The following SOX30 variants were observed in gnomAD, a reference collection of about 807,000 sequenced individuals.
SOX30 encodes the protein transcription factor SOX-30.
In SOX30, 17 loss-of-function variants were observed where a neutral mutation model predicts 58.6. The observed-to-expected ratio is 0.29, with a 90% CI of 0.20 to 0.44. The LOEUF is 0.44. SOX30 is among the 20% of genes least tolerant of loss of function. SOX30 has a pLI of 1.00. For missense variants in SOX30, 951 were observed against 965.8 expected (o/e 0.98, Z 0.20); for synonymous variants, 421 against 400.2 (o/e 1.05, Z -0.62).
Position 157,626,303 on chromosome 5 carries a change from A to G in SOX30, c.*37T>C. The G allele has an allele frequency of 1.3e-6, 2 of 1,501,990 alleles. No homozygotes were observed. The highest frequency in any genetic ancestry group is 1.8e-6 in the Non-Finnish European group (2 of 1,116,222). The allele number at this position is 1,501,990 out of a possible 1,614,324, so 93.0% of individuals were successfully genotyped here. On this transcript the variant is annotated 3_prime_UTR_variant, in exon 5 of 5. Transcript: ENST00000265007. ...TACCAACTGACCCAGAATATATTTT[A>G]AGAAATGTTTATTTTCTGTGCATAT...
upstream of SOX30, among the ~76,000 whole-genome samples, chr5:157,653,801 T>C (rs751646201): frequency 1.9e-4 from 29 of 152,202 alleles, no homozygotes; most frequent in Non-Finnish European, 3.8e-4. Flanking sequence ...GGAGTTCTTA[T>C]ACCTGGCAGA....
At chr5:157,633,242 A>G (rs1371490101) in intron 4 of SOX30, among the ~76,000 whole-genome samples, 1 of 152,092 alleles carries the variant, frequency 6.6e-6, no homozygotes, top group African/African-American at 2.4e-5. Context: ...TTTTTGTTTT[A>G]GAGACAGGAT....
chr5:157,656,434 G>C (rs562148041), upstream of SOX30, among the ~76,000 whole-genome samples: 6 of 152,142 alleles, frequency 3.9e-5, no homozygotes, highest in African/African-American at 7.2e-5. Flanking sequence ...TTTCACTTTT[G>C]AAAATTGTTT....
intron 4 of SOX30, among the ~76,000 whole-genome samples, chr5:157,627,273 G>A (rs1419507306): frequency 2.6e-5 from 4 of 152,144 alleles, no homozygotes; most frequent in Non-Finnish European, 5.9e-5. Context: ...TGAGGCAGGA[G>A]GATCGCTTGA....
chr5:157,629,803 A>C, intron 4 of SOX30, among the ~76,000 whole-genome samples: 1 of 152,190 alleles, frequency 6.6e-6, no homozygotes, highest in Non-Finnish European at 1.5e-5. Flanking sequence ...AAGGTTAAGT[A>C]ACTCGCTCAA....
chr5:157,664,946 C>G (rs1311742614), intron 2 of SOX30, among the ~76,000 whole-genome samples: 1 of 152,186 alleles, frequency 6.6e-6, no homozygotes, highest in Non-Finnish European at 1.5e-5. Context: ...AGTCAGGAAA[C>G]AACAGGTGCT....
At chr5:157,656,299 G>C (rs540500605), upstream of SOX30, among the ~76,000 whole-genome samples, 2 of 152,102 alleles carry the variant, frequency 1.3e-5, no homozygotes, top group Non-Finnish European at 2.9e-5. Context: ...AGTAATCTTT[G>C]GGAAATGAAG....
intron 4 of SOX30, among the ~76,000 whole-genome samples, chr5:157,632,556 G>T (rs976955229): frequency 1.3e-5 from 2 of 152,140 alleles, no homozygotes; most frequent in Non-Finnish European, 2.9e-5. Context: ...AGTGCAGTGA[G>T]CCGAGATCGT....
At chr5:157,661,754 C>T (rs1308783783) in intron 2 of SOX30, among the ~76,000 whole-genome samples, 3 of 152,126 alleles carry the variant, frequency 2.0e-5, no homozygotes, top group African/African-American at 7.2e-5. Flanking sequence ...CCTTTTTGTA[C>T]ATTACTGGAT....
At chr5:157,652,916 T>G (rs1759398646), upstream of SOX30, among the ~76,000 whole-genome samples, 1 of 152,172 alleles carries the variant, frequency 6.6e-6, no homozygotes, top group Admixed American at 6.5e-5. Context: ...TGTCACACTT[T>G]TCCTAAACTT....
chr5:157,666,950 C>G (rs1381501352), intron 2 of SOX30, among the ~76,000 whole-genome samples: 1 of 152,156 alleles, frequency 6.6e-6, no homozygotes, highest in Non-Finnish European at 1.5e-5. Context: ...AGGTAATCCA[C>G]CTGCCTTGGC....
upstream of SOX30, among the ~76,000 whole-genome samples, chr5:157,653,680 CA>C (rs1033773368): frequency 1.3e-5 from 2 of 152,056 alleles, no homozygotes; most frequent in Non-Finnish European, 2.9e-5. Flanking sequence ...ACATTCTGGC[CA>C]AAAACTATAG....
At chr5:157,666,119 A>G (rs1759665022) in intron 2 of SOX30, among the ~76,000 whole-genome samples, 1 of 151,994 alleles carries the variant, frequency 6.6e-6, no homozygotes, top group African/African-American at 2.4e-5. Context: ...TCTTGAAACT[A>G]AGGAGATTGG....
intron 2 of SOX30, among the ~76,000 whole-genome samples, chr5:157,658,487 A>G (rs1248125869): frequency 6.6e-6 from 1 of 152,222 alleles, no homozygotes; most frequent in Non-Finnish European, 1.5e-5. Context: ...GTAAAAATCT[A>G]AATCAGTATT....
At chr5:157,654,240 A>G (rs1165261854), upstream of SOX30, among the ~76,000 whole-genome samples, 2 of 152,180 alleles carry the variant, frequency 1.3e-5, no homozygotes, top group Non-Finnish European at 2.9e-5. Context: ...AATATTTACC[A>G]TGTTGTAAAT....
intron 4 of SOX30, among the ~76,000 whole-genome samples, chr5:157,630,393 T>C (rs1758761254): frequency 6.6e-6 from 1 of 152,214 alleles, no homozygotes; most frequent in South Asian, 2.1e-4. Flanking sequence ...AACTGGATGT[T>C]TTGAATATTA....
At chr5:157,657,982 A>G (rs1246264727) in intron 2 of SOX30, among the ~76,000 whole-genome samples, 2 of 152,170 alleles carry the variant, frequency 1.3e-5, no homozygotes, top group Non-Finnish European at 2.9e-5. Flanking sequence ...CTTGTCTACA[A>G]CAGCCCCTGT....
intron 2 of SOX30, among the ~76,000 whole-genome samples, chr5:157,666,744 C>T (rs1238033447): frequency 2.0e-5 from 3 of 152,100 alleles, no homozygotes; most frequent in East Asian, 1.9e-4. Flanking sequence ...CTGGCTCTGG[C>T]GCCCAGGCTG....
At chr5:157,644,589 G>C (rs1449075201) in intron 3 of SOX30, among the ~76,000 whole-genome samples, 1 of 152,180 alleles carries the variant, frequency 6.6e-6, no homozygotes, top group East Asian at 1.9e-4. Context: ...TCTGGGAAGA[G>C]AAAATATACA....
Sources: allele counts gnomAD v4.1 joint callset (sites outside exome capture counted in the v4.1 genomes callset), GRCh38; gene constraint gnomAD v4.1.1; transcripts MANE v1.5; gene names NCBI Gene and HGNC (gene_info 2026-07-23, HGNC 2026-07-21).